Variants in MCM9 observed in about 807,000 individuals in gnomAD.
MCM9 encodes minichromosome maintenance 9 homologous recombination repair factor.
MCM9 carries 55 observed loss-of-function variants against 72.8 expected under a neutral mutation model. That is an observed-to-expected ratio of 0.76 (90% CI 0.61 to 0.95). The LOEUF (loss-of-function observed/expected upper bound fraction) is 0.95, where lower values mean the gene tolerates loss of function less well. MCM9 is among the 40% of genes least tolerant of loss of function. The pLI, the probability that MCM9 is intolerant of heterozygous loss-of-function variation, is 0.00. For synonymous variants in MCM9, 480 were observed against 503.4 expected (o/e 0.95, Z 0.62); for missense variants, 1,279 against 1,377.0 (o/e 0.93, Z 1.13).
chr6:118,894,609 T>TGTGTTCGGCGCCTGGCGGCC, intron 8 of MCM9: 1 of 1,192,576 alleles, frequency 8.4e-7, no homozygotes, highest in Non-Finnish European at 1.2e-6. Context: ...GCTGGGCGGC[T>TGTGTTCGGCGCCTGGCGGCC]GTGTTCGGCG....
intron 9 of MCM9, among the ~76,000 whole-genome samples, chr6:118,847,630 C>T (rs1190556911): frequency 6.6e-6 from 1 of 151,492 alleles, no homozygotes; most frequent in African/African-American, 2.4e-5. Flanking sequence ...ATAATTACAG[C>T]TTCTGAAAAA....
At position 118,815,845 on chromosome 6, in the gene MCM9, C is replaced by T. The variant is rs1284186641; in HGVS notation, c.2411G>A (p.Gly804Glu). 6.5e-7 allele frequency: 1 copy of T among 1,540,100 alleles called. No individual in the cohort carries two copies. Among genetic ancestry groups the T allele is most frequent in the Non-Finnish European group, 8.7e-7 (1 of 1,147,014 alleles). Residue 804 changes from glycine to glutamate, a missense_variant, in exon 14 of 14, where the codon GGA becomes GAA. Physicochemically the swap from Gly to Glu is moderately conservative, Grantham distance 98. Coordinates refer to ENST00000619706, the MANE Select transcript of MCM9 (RefSeq NM_017696.3). ...KVDIGLLPSP[G>E]ETGVPWRADN... is the part of the protein sequence containing the mutation. ...TGCCCTCCATGGAACACCTGTCTCTCCTGGTGATGGAAGCAACCCAATGTC... is the reference window on the plus strand; with the variant it reads ...TGCCCTCCATGGAACACCTGTCTCTTCTGGTGATGGAAGCAACCCAATGTC...
chr6:118,874,818 T>C (rs144053535), intron 8 of MCM9, among the ~76,000 whole-genome samples: 8,793 of 152,280 alleles, frequency 0.058, 371 homozygotes, highest in East Asian at 0.19. Context: ...AAAAATACAT[T>C]ACCTATTACC....
At chr6:118,845,803 T>G (rs920717992) in intron 9 of MCM9, among the ~76,000 whole-genome samples, 3 of 151,844 alleles carry the variant, frequency 2.0e-5, no homozygotes, top group African/African-American at 7.3e-5. Context: ...ATAGAAATTT[T>G]TTCTAGTCTA....
At chr6:118,906,864 C>T (rs1475441108) in intron 8 of MCM9, among the ~76,000 whole-genome samples, 8 of 152,056 alleles carry the variant, frequency 5.3e-5, no homozygotes, top group South Asian at 2.1e-4. Flanking sequence ...ATAATAAGGC[C>T]GGACTATTTT....
rs562113662 is a variant in MCM9 at position 118,870,450 on chromosome 6, A to T, written c.1151-13905T>A. ...TTTTTTTTTATCTTGAGACAAAATGAAAACACAACATGACAAAACTTATGG... is the reference window on the plus strand; with the variant it reads ...TTTTTTTTTATCTTGAGACAAAATGTAAACACAACATGACAAAACTTATGG... On this transcript the variant is annotated intron_variant, in intron 8 of 13. Transcript: ENST00000619706. Among the ~76,000 whole-genome samples the T allele has an allele frequency of 9.2e-5, 14 of 152,284 alleles. 1 individual carries two copies. The highest frequency in any genetic ancestry group is 3.4e-4 in the African/African-American group (14 of 41,576).
intron 9 of MCM9, among the ~76,000 whole-genome samples, chr6:118,836,039 T>TGA (rs1198136727): frequency 6.6e-6 from 1 of 152,206 alleles, no homozygotes; most frequent in African/African-American, 2.4e-5. Context: ...CCTAGTTTAT[T>TGA]GAGAGTTTTT....
chr6:118,876,089 C>T (rs1777914736), intron 8 of MCM9, among the ~76,000 whole-genome samples: 1 of 152,054 alleles, frequency 6.6e-6, no homozygotes. Context: ...CATGGAGTAA[C>T]CTTAATAGCA....
At chr6:118,885,533 G>A (rs1778545769) in intron 8 of MCM9, among the ~76,000 whole-genome samples, 1 of 152,082 alleles carries the variant, frequency 6.6e-6, no homozygotes, top group Non-Finnish European at 1.5e-5. Flanking sequence ...AGGGAACAGT[G>A]TAAACAATTT....
At chr6:118,868,208 G>A (rs1178610525) in intron 8 of MCM9, among the ~76,000 whole-genome samples, 1 of 152,038 alleles carries the variant, frequency 6.6e-6, no homozygotes, top group Non-Finnish European at 1.5e-5. Flanking sequence ...AGGTTAAACT[G>A]TTAAAAGAAC....
At chr6:118,891,362 T>C (rs1450828718) in intron 8 of MCM9, among the ~76,000 whole-genome samples, 2 of 152,134 alleles carry the variant, frequency 1.3e-5, no homozygotes, top group African/African-American at 2.4e-5. Flanking sequence ...AGGGGAAAAA[T>C]ATCTTATAGC....
At chr6:118,826,743 GT>G (rs1257597328) in intron 12 of MCM9, 38 bp downstream of exon 12, 2 of 1,436,510 alleles carry the variant, frequency 1.4e-6, no homozygotes, top group African/African-American at 2.9e-5. Context: ...AAGAAAGTTT[GT>G]AATTAGGATA....
chr6:118,850,553 C>T lies in MCM9; in HGVS notation c.1325+5818G>A, dbSNP rs544009333. Among the ~76,000 whole-genome samples the T allele has an allele frequency of 3.1e-3, 467 of 151,876 alleles. 4 individuals are homozygous for T. Among genetic ancestry groups the T allele is most frequent in the Middle Eastern group, 6.8e-3 (2 of 294 alleles). On this transcript the variant is annotated intron_variant, in intron 9 of 13. Transcript: ENST00000619706. ...TGGAATTTATTCTAGGTCTCTCCGACCCCAAAGCTCTTTAACTGAATTATT... is the reference window on the plus strand; with the variant it reads ...TGGAATTTATTCTAGGTCTCTCCGATCCCAAAGCTCTTTAACTGAATTATT...
At chr6:118,819,471 G>T (rs1006788959) in intron 13 of MCM9, among the ~76,000 whole-genome samples, 1 of 152,116 alleles carries the variant, frequency 6.6e-6, no homozygotes, top group Non-Finnish European at 1.5e-5. Context: ...AGATGAAGCT[G>T]ACTTGAACAT....
intron 8 of MCM9, chr6:118,907,522 T>C (rs1303782093): frequency 6.2e-7 from 1 of 1,613,670 alleles, no homozygotes; most frequent in South Asian, 1.1e-5. Flanking sequence ...GTCACTTCTT[T>C]CAACAGATGC....
At chr6:118,816,341 T>A in intron 13 of MCM9, 47 bp from the exon 14 acceptor site, 1 of 1,445,998 alleles carries the variant, frequency 6.9e-7, no homozygotes, top group Non-Finnish European at 9.2e-7. Flanking sequence ...GGGAAGAGAA[T>A]TTGTGCTAAC....
chr6:118,830,922 G>A (rs536484418), intron 9 of MCM9, among the ~76,000 whole-genome samples: 200 of 152,296 alleles, frequency 1.3e-3, no homozygotes, highest in Non-Finnish European at 2.3e-3. Context: ...AGTGTGCAAG[G>A]AGTGCTGGTG....
chr6:118,870,816 A>T (rs956527705), intron 8 of MCM9, among the ~76,000 whole-genome samples: 1 of 152,162 alleles, frequency 6.6e-6, no homozygotes, highest in Admixed American at 6.5e-5. Flanking sequence ...ATAAGAGACT[A>T]CTCTGAACAA....
intron 12 of MCM9, 89 bp from the exon 13 acceptor site, chr6:118,826,381 A>G: frequency 1.4e-6 from 2 of 1,392,818 alleles, no homozygotes; most frequent in African/African-American, 1.4e-5. Context: ...CCCGGGGGCT[A>G]AGACCGCCGT....
Sources: allele counts gnomAD v4.1 joint callset (sites outside exome capture counted in the v4.1 genomes callset), GRCh38; gene constraint gnomAD v4.1.1; transcripts MANE v1.5; gene names NCBI Gene and HGNC (gene_info 2026-07-23, HGNC 2026-07-21).